RPS6KC1: variants seen among roughly 807,000 people sequenced by gnomAD.
The protein encoded by RPS6KC1 is ribosomal protein S6 kinase C1.
RPS6KC1 carries 54 observed loss-of-function variants against 103.8 expected under a neutral mutation model. The observed-to-expected ratio is 0.52, with a 90% CI of 0.42 to 0.65. RPS6KC1 has a LOEUF of 0.65. RPS6KC1 is among the 30% of genes least tolerant of loss of function. RPS6KC1 has a pLI of 0.00. For synonymous variants in RPS6KC1, 439 were observed against 438.7 expected (o/e 1.00, Z -0.01); for missense variants, 1,151 against 1,253.8 (o/e 0.92, Z 1.24).
At chr1:213,748,096 C>T in the RPS6KC1 span, among the ~76,000 whole-genome samples, 1 of 152,120 alleles carries the variant, frequency 6.6e-6, no homozygotes, top group Non-Finnish European at 1.5e-5. Flanking sequence ...GTAGAATAGC[C>T]AAGGCAAGAG....
chr1:213,427,555 TA>T, the RPS6KC1 span, among the ~76,000 whole-genome samples: 4 of 152,242 alleles, frequency 2.6e-5, no homozygotes, highest in African/African-American at 9.6e-5. Context: ...TTATAAATCA[TA>T]TTTTTTTGCT....
the RPS6KC1 span, among the ~76,000 whole-genome samples, chr1:213,314,123 G>A: frequency 6.6e-6 from 1 of 151,804 alleles, no homozygotes; most frequent in African/African-American, 2.4e-5. Context: ...GCCTTCCTTG[G>A]CTTGAGGCTG....
the RPS6KC1 span, among the ~76,000 whole-genome samples, chr1:213,419,021 AC>A: frequency 2.0e-5 from 3 of 152,300 alleles, no homozygotes; most frequent in African/African-American, 7.2e-5. Context: ...CAGTTCCCCA[AC>A]CCACGCACAT....
At position 213,152,455 on chromosome 1, in the gene RPS6KC1, C is replaced by T. The variant is rs539572180; in HGVS notation, c.836-15403C>T. On this transcript the variant is annotated intron_variant, in intron 6 of 14. Transcript: ENST00000366960. ...CTCACTTCCCAGACGGGGCGGCTGC[C>T]GGGCGGAGGGGCTCCTCACTTCCCA... Among the ~76,000 whole-genome samples, 626 of 149,396 alleles carry T rather than the reference C, an allele frequency of 4.2e-3. 8 individuals are homozygous for T. Among genetic ancestry groups the T allele is most frequent in the South Asian group, 0.038 (176 of 4,690 alleles).
chr1:213,392,972 A>T, the RPS6KC1 span, among the ~76,000 whole-genome samples: 2 of 152,198 alleles, frequency 1.3e-5, no homozygotes, highest in Admixed American at 1.3e-4. Flanking sequence ...AAATTCAACG[A>T]CATCTGCTGA....
chr1:213,777,315 C>T, the RPS6KC1 span, among the ~76,000 whole-genome samples: 1 of 152,118 alleles, frequency 6.6e-6, no homozygotes, highest in African/African-American at 2.4e-5. Context: ...TGTGACTCTT[C>T]CTTTTACTTG....
At chr1:213,173,201 C>T (rs1422673015) in intron 7 of RPS6KC1, among the ~76,000 whole-genome samples, 1 of 152,144 alleles carries the variant, frequency 6.6e-6, no homozygotes. Flanking sequence ...CCAATTTAAG[C>T]ACTACATATG....
At chr1:213,375,261 A>T in the RPS6KC1 span, among the ~76,000 whole-genome samples, 31 of 152,244 alleles carry the variant, frequency 2.0e-4, no homozygotes, top group African/African-American at 6.7e-4. Context: ...ACACACATAC[A>T]CACATATACA....
the RPS6KC1 span, among the ~76,000 whole-genome samples, chr1:213,658,381 G>A: frequency 0.019 from 2,835 of 152,294 alleles, 32 homozygotes; most frequent in Non-Finnish European, 0.03. Flanking sequence ...CTCCTCCAAA[G>A]ATTAAGGGAA....
the RPS6KC1 span, among the ~76,000 whole-genome samples, chr1:213,526,326 A>G: frequency 3.0e-4 from 45 of 152,212 alleles, 1 homozygote; most frequent in East Asian, 8.5e-3. Flanking sequence ...GGAGAGAGAG[A>G]GCGTACTGGA....
At chr1:213,269,119 A>G (rs2094980938) in intron 14 of RPS6KC1, among the ~76,000 whole-genome samples, 6 of 152,216 alleles carry the variant, frequency 3.9e-5, no homozygotes, top group African/African-American at 1.4e-4. Flanking sequence ...AAGACAAAGG[A>G]TGGAAAAGGA....
At chr1:213,396,812 C>T in the RPS6KC1 span, among the ~76,000 whole-genome samples, 1 of 152,152 alleles carries the variant, frequency 6.6e-6, no homozygotes, top group African/African-American at 2.4e-5. Flanking sequence ...CACAGACATC[C>T]CTCAGGGTCT....
At chr1:213,114,792 C>G (rs1558345044) in intron 4 of RPS6KC1, among the ~76,000 whole-genome samples, 1 of 152,146 alleles carries the variant, frequency 6.6e-6, no homozygotes, top group Non-Finnish European at 1.5e-5. Flanking sequence ...AAGGCCTTTT[C>G]TGCATCTATT....
the RPS6KC1 span, among the ~76,000 whole-genome samples, chr1:213,450,872 G>A: frequency 1.3e-5 from 2 of 152,154 alleles, no homozygotes; most frequent in African/African-American, 2.4e-5. Flanking sequence ...CTACTGGTGA[G>A]GCTGAGGCAG....
At chr1:213,144,489 G>A (rs537785922) in intron 6 of RPS6KC1, among the ~76,000 whole-genome samples, 9 of 152,080 alleles carry the variant, frequency 5.9e-5, no homozygotes, top group African/African-American at 2.2e-4. Context: ...CCGTCCTCAA[G>A]AAGTACTCCA....
Position 213,240,855 on chromosome 1 carries a change from G to A in RPS6KC1, c.1379G>A (p.Gly460Glu). The A allele has an allele frequency of 1.2e-6, 2 of 1,613,912 alleles. No individual in the cohort carries two copies. Among genetic ancestry groups the A allele is most frequent in the African/African-American group, 2.7e-5 (2 of 75,018 alleles). Reference protein sequence around the residue: ...PQDSSSFESRGSDGGSMLKAL... With the variant: ...PQDSSSFESRESDGGSMLKAL... ...GACAGCAGTAGCTTTGAATCCAGAG[G>A]AAGTGATGGTGGAAGCATGCTTAAA... Residue 460 changes from glycine to glutamate, a missense_variant, in exon 11 of 15, where the codon GGA (glycine) becomes GAA (glutamate). Transcript: ENST00000366960.
chr1:213,824,520 A>T, the RPS6KC1 span, among the ~76,000 whole-genome samples: 1 of 152,274 alleles, frequency 6.6e-6, no homozygotes, highest in East Asian at 1.9e-4. Context: ...TCATGCATTG[A>T]TATGGTTTGG....
At chr1:213,361,764 A>T in the RPS6KC1 span, among the ~76,000 whole-genome samples, 18 of 152,238 alleles carry the variant, frequency 1.2e-4, no homozygotes, top group South Asian at 2.1e-4. Flanking sequence ...TCCAGGAATG[A>T]GATCTTTTCT....
chr1:213,314,674 T>G, the RPS6KC1 span, among the ~76,000 whole-genome samples: 1 of 150,986 alleles, frequency 6.6e-6, no homozygotes, highest in Non-Finnish European at 1.5e-5. Flanking sequence ...TTTTTTTTCC[T>G]TCTGGGTTTT....
Sources: allele counts gnomAD v4.1 joint callset (sites outside exome capture counted in the v4.1 genomes callset), GRCh38; gene constraint gnomAD v4.1.1; transcripts MANE v1.5; gene names NCBI Gene and HGNC (gene_info 2026-07-23, HGNC 2026-07-21).